Variants in CENPE observed in about 807,000 individuals in gnomAD.
The protein encoded by CENPE is centromere protein E, also known as centromere-associated protein E.
CENPE carries 145 observed loss-of-function variants against 336.1 expected under a neutral mutation model. That is an observed-to-expected ratio of 0.43 (90% CI 0.38 to 0.50). The LOEUF (loss-of-function observed/expected upper bound fraction) is 0.50. Ranked by LOEUF, CENPE falls within the 20% of genes least tolerant of loss-of-function variation. The pLI is 0.00. For missense variants in CENPE, 2,719 were observed against 3,023.3 expected, an observed-to-expected ratio of 0.90 and a Z score of 2.36; for synonymous variants, 1,013 against 984.8, an observed-to-expected ratio of 1.03 and a Z score of -0.54.
At chr4:103,183,170 A>G in intron 10 of CENPE, 31 bp downstream of exon 10, 1 of 1,476,542 alleles carries the variant, frequency 6.8e-7, no homozygotes, top group Non-Finnish European at 9.4e-7. Flanking sequence ...TATAAGAATC[A>G]GTAGGTAAGT....
At chr4:103,143,003 CAAAAAAAAAAA>C (rs1168385683) in intron 34 of CENPE, among the ~76,000 whole-genome samples, 4 of 62,976 alleles carry the variant, frequency 6.4e-5, no homozygotes, top group Non-Finnish European at 1.2e-4. Flanking sequence ...GACTCTGTCT[CAAAAAAAAAAA>C]AAAAAAAAAA....
chr4:103,145,085 G>C lies in CENPE; in HGVS notation c.4822C>G (p.Gln1608Glu), dbSNP rs1177312787. Residue 1608 changes from glutamine to glutamate, a missense_variant, in exon 32 of 49, where the codon CAA becomes GAA. Coordinates refer to ENST00000265148, the MANE Select transcript of CENPE (RefSeq NM_001813.3). Reference protein sequence around the residue: ...VQEALQIERDQLKENTKEIVA... With the variant: ...VQEALQIERDELKENTKEIVA... ...ATTTCTTTAGTGTTTTCTTTCAGTT[G>C]GTCTCTCTCTATCTGAAGGGCCTCC... 2 of 1,533,578 alleles carry C rather than the reference G, an allele frequency of 1.3e-6. No individual in the cohort carries two copies. The highest frequency in any genetic ancestry group is 2.8e-5 in the African/African-American group (2 of 70,800). The allele number at this position is 1,533,578 out of a possible 1,614,324, so 95.0% of individuals were successfully genotyped here.
intron 48 of CENPE, among the ~76,000 whole-genome samples, chr4:103,106,825 G>T (rs1748942162): frequency 6.6e-6 from 1 of 151,814 alleles, no homozygotes; most frequent in Non-Finnish European, 1.5e-5. Context: ...TTAGTTTAAG[G>T]TAATTTAGAT....
Position 103,196,047 on chromosome 4 carries a change from A to C in CENPE, c.239-9T>G, listed in dbSNP as rs1170789101. On this transcript the variant is annotated splice_polypyrimidine_tract_variant and intron_variant, in intron 3 of 48. Transcript: ENST00000265148. ...ATAGGCAAATATAGTACCTGCAAAA[A>C]ACAAAACACACATACGCAAAGATTA... is the stretch of plus-strand genomic sequence containing the variant. The C allele has an allele frequency of 6.2e-7, 1 of 1,604,058 alleles. No homozygotes were observed. Among genetic ancestry groups the C allele is most frequent in the South Asian group, 1.1e-5 (1 of 90,840 alleles).
At chr4:103,149,461 T>G in intron 26 of CENPE, 53 bp from the exon 27 acceptor site, 1 of 1,455,102 alleles carries the variant, frequency 6.9e-7, no homozygotes, top group African/African-American at 1.4e-5. Context: ...CTCAAAATTC[T>G]TACACAAAAT....
intron 44 of CENPE, among the ~76,000 whole-genome samples, chr4:103,119,369 A>G (rs1750411872): frequency 6.6e-6 from 1 of 152,224 alleles, no homozygotes; most frequent in Non-Finnish European, 1.5e-5. Flanking sequence ...ATTATTTGTA[A>G]TATTAAAAAA....
intron 16 of CENPE, among the ~76,000 whole-genome samples, chr4:103,171,895 T>C (rs12505012): frequency 0.16 from 24,107 of 151,614 alleles, 2,318 homozygotes; most frequent in Non-Finnish European, 0.2. Context: ...CTCTACCACA[T>C]TACCTACCAG....
chr4:103,189,770 T>C (rs1043129865), intron 8 of CENPE, among the ~76,000 whole-genome samples: 1 of 152,076 alleles, frequency 6.6e-6, no homozygotes, highest in African/African-American at 2.4e-5. Flanking sequence ...CTATTCAACA[T>C]AGTGTTGGAA....
chr4:103,127,150 AAAC>A (rs1207844221), intron 42 of CENPE, among the ~76,000 whole-genome samples: 1 of 151,602 alleles, frequency 6.6e-6, no homozygotes, highest in Non-Finnish European at 1.5e-5. Flanking sequence ...CAAAAACAAA[AAAC>A]AACATCTAAG....
At chr4:103,181,499 A>G (rs774104922) in intron 11 of CENPE, 43 bp from the exon 12 acceptor site, 1 of 1,506,874 alleles carries the variant, frequency 6.6e-7, no homozygotes, top group Non-Finnish European at 8.8e-7. Flanking sequence ...AACACTTAAA[A>G]AAATTCGAAT....
intron 14 of CENPE, 36 bp from the exon 15 acceptor site, chr4:103,176,084 A>G: frequency 1.6e-6 from 2 of 1,280,890 alleles, no homozygotes; most frequent in Non-Finnish European, 2.2e-6. Flanking sequence ...GTCCATGAAC[A>G]TGTTTACCAA....
At position 103,116,662 on chromosome 4, in the gene CENPE, A is replaced by T. The variant is rs1175466813; in HGVS notation, c.7357T>A (p.Tyr2453Asn). ...QDKVALGAKP[Y>N]KEEIEDLKMK... is the part of the protein sequence containing the mutation. ...TTGAGATCTTCAATTTCTTCTTTATATGGCTTAGCTCCTAAAGCAACTTTG... is the reference window on the plus strand; with the variant it reads ...TTGAGATCTTCAATTTCTTCTTTATTTGGCTTAGCTCCTAAAGCAACTTTG... Residue 2453 changes from tyrosine (Y) to asparagine (N), a missense_variant, in exon 45 of 49, where the codon TAT becomes AAT. By Grantham distance (143) the Tyr-to-Asn change is moderately radical (BLOSUM62 -2). Around this residue, in one of 5 missense-constraint regions of CENPE, gnomAD observed 2,437 missense variants for 2,513.3 expected, o/e 0.97. Transcript: ENST00000265148. The T allele has an allele frequency of 6.3e-7, 1 of 1,590,278 alleles. No individual in the cohort carries two copies. Among genetic ancestry groups the T allele is most frequent in the Non-Finnish European group, 8.5e-7 (1 of 1,170,690 alleles).
chr4:103,158,160 A>AATG (rs1395387244), intron 24 of CENPE, 140 bp downstream of exon 24: 2 of 577,196 alleles, frequency 3.5e-6, no homozygotes. Context: ...CAAAGGCATT[A>AATG]GGGATAAGCT....
At chr4:103,129,999 T>C (rs779933968) in intron 42 of CENPE, among the ~76,000 whole-genome samples, 5 of 152,138 alleles carry the variant, frequency 3.3e-5, no homozygotes, top group Non-Finnish European at 5.9e-5. Flanking sequence ...CTCTCAGCAA[T>C]AGAGATGAAC....
chr4:103,114,410 TGAG>T, intron 46 of CENPE, 42 bp downstream of exon 46: 1 of 1,163,970 alleles, frequency 8.6e-7, no homozygotes, highest in South Asian at 1.2e-5. Context: ...TGTTGTGTGT[TGAG>T]AAGTAAAATT....
At chr4:103,122,431 C>A (rs1422874403) in intron 43 of CENPE, among the ~76,000 whole-genome samples, 1 of 151,978 alleles carries the variant, frequency 6.6e-6, no homozygotes, top group Non-Finnish European at 1.5e-5. Context: ...ATTTTTTAAC[C>A]TCTTATATTT....
chr4:103,108,747 A>G, intron 48 of CENPE, 56 bp downstream of exon 48: 3 of 1,488,064 alleles, frequency 2.0e-6, no homozygotes, highest in South Asian at 2.6e-5. Flanking sequence ...TCACATATTA[A>G]TGATAAGTTC....
In CENPE at chr4:103,181,327, T is replaced by A. The variant is rs1756310181; in HGVS notation, c.1083+10A>T. 1 of 1,482,832 alleles carries A rather than the reference T, an allele frequency of 6.7e-7. No individual in the cohort carries two copies. The highest frequency in any genetic ancestry group is 9.1e-7 in the Non-Finnish European group (1 of 1,103,098). The allele number at this position is 1,482,832 out of a possible 1,614,324, so 91.9% of individuals were successfully genotyped here. ...CTTTCAATTTAATGAAATAAATGAT[T>A]CATACATACCTCCTCTAATTGTTTT... On this transcript the variant is annotated intron_variant, in intron 12 of 48. Transcript: ENST00000265148.
At position 103,120,193 on chromosome 4, in the gene CENPE, T is replaced by A. The variant is rs377592432; in HGVS notation, c.7284A>T (p.Ser2428=). 3 of 1,609,264 alleles carry A rather than the reference T, an allele frequency of 1.9e-6. No homozygotes were observed. Among genetic ancestry groups the A allele is most frequent in the Non-Finnish European group, 2.5e-6 (3 of 1,178,594 alleles). The change falls in exon 44 of 49, where the codon TCA becomes TCT. Residue 2428 remains serine, a synonymous_variant. Transcript: ENST00000265148. The part of the protein sequence containing the change: ...IAKLQAKVHE[S]NKCLEKTKET... ...CTTTTGTTTTTTCAAGGCATTTATTTGATTCATGAACTTTGGCTTGAAGTT... is the reference window on the plus strand; with the variant it reads ...CTTTTGTTTTTTCAAGGCATTTATTAGATTCATGAACTTTGGCTTGAAGTT...
Sources: allele counts gnomAD v4.1 joint callset (sites outside exome capture counted in the v4.1 genomes callset), GRCh38; gene constraint gnomAD v4.1.1; regional missense constraint gnomAD v4.1.1; transcripts MANE v1.5; gene names NCBI Gene and HGNC (gene_info 2026-07-23, HGNC 2026-07-21).